RUNX1: variants seen among roughly 807,000 people sequenced by gnomAD.
The protein encoded by RUNX1 is RUNX family transcription factor 1.
Under a neutral mutation model 42.8 loss-of-function variants are expected in RUNX1, and 19 were observed. That is an observed-to-expected ratio of 0.44 (90% CI 0.31 to 0.65). RUNX1 has a LOEUF of 0.65. Among genes scored for constraint, RUNX1 ranks in the 30% least tolerant of loss-of-function variants. The probability of loss-of-function intolerance (pLI) is 0.07; values close to 1 mark genes in which losing one functional copy is unlikely to be tolerated. For synonymous variants in RUNX1, 271 were observed against 289.4 expected (o/e 0.94, Z 0.64); for missense variants, 528 against 672.0 (o/e 0.79, Z 2.37).
At chr21:34,975,807 C>T (rs976832209) in intron 2 of RUNX1, among the ~76,000 whole-genome samples, 1 of 148,940 alleles carries the variant, frequency 6.7e-6, no homozygotes, top group East Asian at 2.0e-4. Context: ...TCTTGGGGGG[C>T]GGAAATAGTT....
intron 6 of RUNX1, among the ~76,000 whole-genome samples, chr21:34,858,527 G>T (rs2057525964): frequency 6.6e-6 from 1 of 152,146 alleles, no homozygotes. Flanking sequence ...AATTCCACTG[G>T]CTTGCCCATA....
rs191297900 is a variant in RUNX1, at chr21:35,028,578, T to C, written c.58+20264A>G. Among the ~76,000 whole-genome samples the C allele has an allele frequency of 2.5e-3, 376 of 152,356 alleles. 1 individual carries two copies. Among genetic ancestry groups the C allele is most frequent in the Non-Finnish European group, 4.4e-3 (297 of 68,032 alleles). ...ACTCAGCAAGCAGTTACTTTCCTGG[T>C]CTGCCACTGCTGTGGTATTAATGAT... is the stretch of plus-strand genomic sequence containing the variant. On this transcript the variant is annotated intron_variant, in intron 2 of 8. Coordinates refer to ENST00000675419, the MANE Select transcript of RUNX1 (RefSeq NM_001754.5).
intron 5 of RUNX1, among the ~76,000 whole-genome samples, chr21:34,880,323 C>T (rs1243950089): frequency 5.9e-5 from 9 of 152,114 alleles, no homozygotes; most frequent in South Asian, 2.1e-4. Context: ...ACAATTCCTA[C>T]GTTGCATGTT....
At chr21:34,949,111 C>T (rs1267081472) in intron 2 of RUNX1, among the ~76,000 whole-genome samples, 3 of 152,098 alleles carry the variant, frequency 2.0e-5, no homozygotes, top group African/African-American at 7.2e-5. Context: ...CTACCCCATC[C>T]CCCCAAACAG....
chr21:35,046,727 A>T (rs2059398628), intron 2 of RUNX1, among the ~76,000 whole-genome samples: 1 of 152,202 alleles, frequency 6.6e-6, no homozygotes. Flanking sequence ...GATGAAATTA[A>T]CCAGGAAATT....
chr21:34,819,742 G>C (rs1349180202), intron 7 of RUNX1, among the ~76,000 whole-genome samples: 1 of 152,230 alleles, frequency 6.6e-6, no homozygotes, highest in Non-Finnish European at 1.5e-5. Context: ...CGGGATGACA[G>C]GACCATCAGT....
chr21:34,859,448 T>G (rs2057540399), intron 6 of RUNX1, 26 bp downstream of exon 6: 4 of 1,496,198 alleles, frequency 2.7e-6, no homozygotes, highest in Middle Eastern at 1.7e-4. Flanking sequence ...CTGGAGGGTG[T>G]ACCAGCCCCA....
intron 6 of RUNX1, among the ~76,000 whole-genome samples, chr21:34,858,471 G>A (rs1308695655): frequency 6.6e-6 from 1 of 152,166 alleles, no homozygotes; most frequent in Non-Finnish European, 1.5e-5. Context: ...TTACAGAAGA[G>A]GAAAGTGAGG....
At chr21:35,031,389 G>C (rs2059272027) in intron 2 of RUNX1, among the ~76,000 whole-genome samples, 3 of 152,002 alleles carry the variant, frequency 2.0e-5, no homozygotes. Flanking sequence ...TATTGGTGAG[G>C]TTGTGGAGAA....
chr21:34,826,625 G>A lies in RUNX1; in HGVS notation c.805+7785C>T, dbSNP rs192282961. On this transcript the variant is annotated intron_variant, in intron 7 of 8. Coordinates refer to ENST00000675419, the MANE Select transcript of RUNX1 (RefSeq NM_001754.5). The stretch of plus-strand genomic sequence containing the variant: ...CTAATTTTTTTTTTTTGTATTTTTA[G>A]TAGAGATGGGGGTTTCACCATGTTG... Among the ~76,000 whole-genome samples the A allele has an allele frequency of 6.8e-3, 1,026 of 150,824 alleles. 8 individuals are homozygous for A. Among genetic ancestry groups the A allele is most frequent in the Non-Finnish European group, 0.011 (715 of 67,760 alleles).
At chr21:34,919,817 A>G (rs1421807442) in intron 2 of RUNX1, among the ~76,000 whole-genome samples, 1 of 152,250 alleles carries the variant, frequency 6.6e-6, no homozygotes, top group African/African-American at 2.4e-5. Flanking sequence ...ACTATTTCAG[A>G]TGAAACTTTT....
intron 2 of RUNX1, among the ~76,000 whole-genome samples, chr21:35,014,607 T>G (rs1254360540): frequency 6.6e-6 from 1 of 152,202 alleles, no homozygotes; most frequent in African/African-American, 2.4e-5. Flanking sequence ...AACCATAACA[T>G]GTTAAGCCAG....
At chr21:34,926,291 A>G (rs1038476754) in intron 2 of RUNX1, among the ~76,000 whole-genome samples, 1 of 151,772 alleles carries the variant, frequency 6.6e-6, no homozygotes, top group African/African-American at 2.4e-5. Flanking sequence ...CCTGGGCAAC[A>G]TAGTGGGACC....
At position 34,792,452 on chromosome 21, in the gene RUNX1, G is replaced by A. The variant is rs2145876434; in HGVS notation, c.1126C>T (p.Arg376Cys). 1 of 1,577,060 alleles carries A rather than the reference G, an allele frequency of 6.3e-7. No individual in the cohort carries two copies. Among genetic ancestry groups the A allele is most frequent in the Non-Finnish European group, 8.6e-7 (1 of 1,161,600 alleles). Residue 376 changes from arginine to cysteine, a missense_variant, in exon 9 of 9, where the codon CGC becomes TGC. Physicochemically the swap from Arg to Cys is radical, Grantham distance 180. This residue lies in a region of RUNX1 where 331 missense variants were observed against 382.5 expected (regional missense o/e 0.87). Coordinates refer to ENST00000675419, the MANE Select transcript of RUNX1 (RefSeq NM_001754.5). This position sits in a 1 kb window ranked among gnomAD's most constrained non-coding sequence, Gnocchi z 6.9. ...IGMSAMGSAT[R>C]YHTYLPPPYP... ...GGCGGCGGCAGGTAGGTGTGGTAGC[G>A]CGTGGCCGAGCCCATGGCCGACATG...
intron 2 of RUNX1, among the ~76,000 whole-genome samples, chr21:34,983,457 T>G (rs2058862165): frequency 6.6e-6 from 1 of 152,234 alleles, no homozygotes; most frequent in Non-Finnish European, 1.5e-5. Context: ...TTATCAACAT[T>G]TTGATTTTTG....
rs1189853979 is a variant in RUNX1 at position 34,908,575 on chromosome 21, CA to C, written c.59-15613del. 8.6e-5 allele frequency among the ~76,000 whole-genome samples: 13 copies of C among 151,518 alleles called. No homozygotes were observed. In the East Asian group the frequency reaches 1.6e-3, roughly 18 times the overall value. On this transcript the variant is annotated intron_variant, in intron 2 of 8. Transcript: ENST00000675419. ...CAAGGTGTTTCCTGGGTTTTGTGGA[CA>C]GGGGGGTCGGGGGAGGTGCAATCTC...
chr21:34,804,281 TC>T (rs1209193766), intron 7 of RUNX1, among the ~76,000 whole-genome samples: 1 of 152,152 alleles, frequency 6.6e-6, no homozygotes, highest in African/African-American at 2.4e-5. Flanking sequence ...ATTCAGGAAC[TC>T]CACCAGATTC....
intron 2 of RUNX1, among the ~76,000 whole-genome samples, chr21:34,995,363 C>T (rs1350729610): frequency 2.1e-5 from 3 of 145,310 alleles, no homozygotes; most frequent in African/African-American, 7.6e-5. Context: ...TTTTTCCTAA[C>T]TGAAAAAAAA....
intron 2 of RUNX1, among the ~76,000 whole-genome samples, chr21:34,942,471 T>C (rs1353625774): frequency 6.6e-6 from 1 of 152,224 alleles, no homozygotes; most frequent in Non-Finnish European, 1.5e-5. Context: ...TCCAGATGCC[T>C]TTCTTCCCTC....
Sources: gnomAD v4.1 joint callset for allele counts (sites outside exome capture counted in the v4.1 genomes callset) on GRCh38, gnomAD v4.1.1 for gene constraint, gnomAD v4.1.1 regional missense constraint, Gnocchi (gnomAD v3.1) non-coding constraint, MANE v1.5 for transcripts, NCBI Gene and HGNC (gene_info 2026-07-23, HGNC 2026-07-21) for gene names.